TOP1: variants seen among roughly 807,000 people sequenced by gnomAD.
The protein encoded by TOP1 is DNA topoisomerase I.
Under a neutral mutation model 111.1 loss-of-function variants are expected in TOP1, and 10 were observed. The ratio of observed to expected loss-of-function variants is 0.09; its 90% CI spans 0.06 to 0.15. The LOEUF is 0.15. TOP1 is among the 10% of genes least tolerant of loss of function. The probability of loss-of-function intolerance (pLI) is 1.00; values close to 1 mark genes in which losing one functional copy is unlikely to be tolerated. For synonymous variants in TOP1, 271 were observed against 302.9 expected, an observed-to-expected ratio of 0.89 and a Z score of 1.10; for missense variants, 474 against 926.7, an observed-to-expected ratio of 0.51 and a Z score of 6.34.
rs1293708291 is a variant in TOP1, at chr20:41,121,048, C to G, written c.1951-648C>G. The stretch of plus-strand genomic sequence containing the variant: ...TGAGACACCGCGCCTGGTGACCGCT[C>G]TCCTTTTAAAAACAGAATGCCAAAG... On this transcript the variant is annotated intron_variant, in intron 18 of 20. Transcript: ENST00000361337. The surrounding 1 kb of genome is among the most constrained non-coding windows in gnomAD (Gnocchi z 4.2). Among the ~76,000 whole-genome samples, 1 of 152,174 alleles carries G rather than the reference C, an allele frequency of 6.6e-6. No homozygotes were observed. Among genetic ancestry groups the G allele is most frequent in the African/African-American group, 2.4e-5 (1 of 41,450 alleles).
intron 2 of TOP1, among the ~76,000 whole-genome samples, chr20:41,037,074 C>G (rs1004346538): frequency 5.9e-5 from 9 of 152,098 alleles, no homozygotes; most frequent in Non-Finnish European, 1.0e-4. Context: ...TCGTGATCCA[C>G]CAGCCTCGGC....
rs2033780042 is a variant in TOP1 at position 41,080,802 on chromosome 20, G to C, written c.432-363G>C. Among the ~76,000 whole-genome samples, 1 of 152,104 alleles carries C rather than the reference G, an allele frequency of 6.6e-6. No individual in the cohort carries two copies. Among genetic ancestry groups the C allele is most frequent in the Non-Finnish European group, 1.5e-5 (1 of 68,018 alleles). On this transcript the variant is annotated intron_variant, in intron 6 of 20. Coordinates refer to ENST00000361337, the MANE Select transcript of TOP1 (RefSeq NM_003286.4). The surrounding 1 kb of genome is among the most constrained non-coding windows in gnomAD (Gnocchi z 5.0). ...TCCAGTGAGTTACTGCTATGTGGTA[G>C]CTAGTGTGCTGTGTGTTTGGTTCCC...
chr20:41,036,900 G>C (rs920082828), intron 2 of TOP1, among the ~76,000 whole-genome samples: 5 of 139,610 alleles, frequency 3.6e-5, no homozygotes, highest in Non-Finnish European at 7.5e-5. Context: ...GCGCAATCTC[G>C]GCTCACTGCA....
chr20:41,040,788 A>G (rs968645450), intron 2 of TOP1, among the ~76,000 whole-genome samples: 3 of 136,596 alleles, frequency 2.2e-5, no homozygotes, highest in African/African-American at 6.0e-5. Flanking sequence ...CCTGGGAGAC[A>G]GCGAGGCATC....
intron 2 of TOP1, among the ~76,000 whole-genome samples, chr20:41,048,902 G>A (rs1358889408): frequency 6.6e-6 from 1 of 152,216 alleles, no homozygotes; most frequent in Non-Finnish European, 1.5e-5. Context: ...TGGGAAAGAA[G>A]GCTGTAAAAT....
intron 3 of TOP1, among the ~76,000 whole-genome samples, chr20:41,068,021 G>A (rs1423572687): frequency 2.0e-5 from 3 of 152,196 alleles, no homozygotes; most frequent in Non-Finnish European, 4.4e-5. Context: ...GTGAGACCAA[G>A]GATCCTGAGT....
intron 2 of TOP1, among the ~76,000 whole-genome samples, chr20:41,042,110 A>G (rs927438053): frequency 1.3e-5 from 2 of 152,158 alleles, no homozygotes; most frequent in Non-Finnish European, 2.9e-5. Flanking sequence ...GAGTTTTGCC[A>G]TGTTGGCCAC....
intron 3 of TOP1, among the ~76,000 whole-genome samples, chr20:41,066,555 T>C (rs964485070): frequency 7.1e-6 from 1 of 140,920 alleles, no homozygotes; most frequent in African/African-American, 2.7e-5. Flanking sequence ...CTCTTTTCTT[T>C]TCTTTTTTTT....
rs530373332 is a variant in TOP1, at chr20:41,085,201, ACAGT to A, written c.614+638_614+641del. Among the ~76,000 whole-genome samples the A allele has an allele frequency of 1.9e-4, 29 of 152,362 alleles. No individual in the cohort carries two copies. In the South Asian group the frequency reaches 2.3e-3, roughly 12 times the overall value. ...GAATGATCTAATCAGAATGTGAGGA[ACAGT>A]CAGTTTAGTAAAATAGTTAATAAGC... On this transcript the variant is annotated intron_variant, in intron 8 of 20. Coordinates refer to ENST00000361337, the MANE Select transcript of TOP1 (RefSeq NM_003286.4).
chr20:41,038,629 C>G (rs2033219537), intron 2 of TOP1, among the ~76,000 whole-genome samples: 1 of 152,098 alleles, frequency 6.6e-6, no homozygotes, highest in South Asian at 2.1e-4. Context: ...CTTCAGTTGT[C>G]CAGTGACAAG....
In TOP1 at chr20:41,115,078, ATAAG is replaced by A. The variant is rs1305799769; in HGVS notation, c.1639-286_1639-283del. ...TATAAATGTACTTTAGGACCATATT[ATAAG>A]TAAGTACTTATAAATGTACTTTAGG... is the stretch of plus-strand genomic sequence containing the variant. On this transcript the variant is annotated intron_variant, in intron 15 of 20. Coordinates refer to ENST00000361337, the MANE Select transcript of TOP1 (RefSeq NM_003286.4). The surrounding 1 kb of genome is among the most constrained non-coding windows in gnomAD (Gnocchi z 6.3). Among the ~76,000 whole-genome samples the A allele has an allele frequency of 7.2e-5, 11 of 152,244 alleles. No homozygotes were observed. Among genetic ancestry groups the A allele is most frequent in the Admixed American group, 7.2e-4 (11 of 15,290 alleles).
At position 41,028,994 on chromosome 20, in the gene TOP1, G is replaced by T. The variant is rs2033077514; in HGVS notation, c.-74G>T. ...GAGCCTCCGGAGTCCCCGTCCGCCCGCACAGGCCGGTTCGCCGTCTGCGTC... is the reference window on the plus strand; with the variant it reads ...GAGCCTCCGGAGTCCCCGTCCGCCCTCACAGGCCGGTTCGCCGTCTGCGTC... On this transcript the variant is annotated 5_prime_UTR_variant, in exon 1 of 21. Coordinates refer to ENST00000361337, the MANE Select transcript of TOP1 (RefSeq NM_003286.4). The T allele has an allele frequency of 2.2e-6, 3 of 1,367,932 alleles. No individual in the cohort carries two copies. The highest frequency in any genetic ancestry group is 1.2e-5 in the South Asian group (1 of 80,258). 84.7% of individuals were successfully genotyped at this position (1,367,932 alleles called of 1,614,324 possible). A position where few individuals can be genotyped will look rare whatever the true frequency, so the allele number is the denominator to read the frequency against.
chr20:41,109,322 T>A lies in TOP1; in HGVS notation c.1309-3460T>A, dbSNP rs1169877013. Among the ~76,000 whole-genome samples the A allele has an allele frequency of 3.9e-5, 6 of 152,188 alleles. No individual in the cohort carries two copies. ...TATAAAATTCAAAACGTTTTAAATC[T>A]ATTTATTAGTAAGACTAACATAGAC... On this transcript the variant is annotated intron_variant, in intron 13 of 20. Coordinates refer to ENST00000361337, the MANE Select transcript of TOP1 (RefSeq NM_003286.4). This position sits in a 1 kb window ranked among gnomAD's most constrained non-coding sequence, Gnocchi z 4.1.
At chr20:41,088,656 T>C (rs2033877611) in intron 8 of TOP1, among the ~76,000 whole-genome samples, 1 of 152,076 alleles carries the variant, frequency 6.6e-6, no homozygotes, top group Non-Finnish European at 1.5e-5. Context: ...TACACCTACA[T>C]ATATATATAT....
At chr20:41,038,952 G>A (rs1219229170) in intron 2 of TOP1, among the ~76,000 whole-genome samples, 2 of 150,970 alleles carry the variant, frequency 1.3e-5, no homozygotes, top group Non-Finnish European at 2.9e-5. Flanking sequence ...GCATGCCACT[G>A]TACCTACCCC....
chr20:41,098,139 A>G lies in TOP1; in HGVS notation c.853-76A>G. The G allele has an allele frequency of 1.3e-6, 2 of 1,491,440 alleles. No individual in the cohort carries two copies. Among genetic ancestry groups the G allele is most frequent in the African/African-American group, 1.4e-5 (1 of 72,230 alleles). 92.4% of individuals were successfully genotyped at this position (1,491,440 alleles called of 1,614,324 possible). A position where few individuals can be genotyped will look rare whatever the true frequency, so the allele number is the denominator to read the frequency against. On this transcript the variant is annotated intron_variant, in intron 10 of 20. Coordinates refer to ENST00000361337, the MANE Select transcript of TOP1 (RefSeq NM_003286.4). The surrounding 1 kb of genome is among the most constrained non-coding windows in gnomAD (Gnocchi z 5.7). ...GACTGAAAAAATGGTGCTTGGGTGT[A>G]TTTGCAAAGAAACCCAAGGACTTAT...
chr20:41,083,798 T>C lies in TOP1; in HGVS notation c.508-664T>C, dbSNP rs907146551. On this transcript the variant is annotated intron_variant, in intron 7 of 20. Coordinates refer to ENST00000361337, the MANE Select transcript of TOP1 (RefSeq NM_003286.4). The surrounding 1 kb of genome is among the most constrained non-coding windows in gnomAD (Gnocchi z 7.2). ...TTTGTTTGGGTTTTGTGTGTATGTT[T>C]TGAGATTCATCTCCTGTATTGGTGA... Among the ~76,000 whole-genome samples, 3 of 152,204 alleles carry C rather than the reference T, an allele frequency of 2.0e-5. No homozygotes were observed. Among genetic ancestry groups the C allele is most frequent in the Non-Finnish European group, 4.4e-5 (3 of 68,028 alleles).
At chr20:41,063,488 T>C (rs999042297) in intron 3 of TOP1, among the ~76,000 whole-genome samples, 1 of 152,196 alleles carries the variant, frequency 6.6e-6, no homozygotes, top group African/African-American at 2.4e-5. Context: ...AAGGTAGTTG[T>C]TTTTTTAAGT....
chr20:41,071,145 A>G lies in TOP1; in HGVS notation c.156-5026A>G, dbSNP rs1349671298. ...AGCGGTGGTCTTTTTTCCTAAAGAA[A>G]CAGTGCTTCGCCAGAAGGGAGACAT... is the stretch of plus-strand genomic sequence containing the variant. On this transcript the variant is annotated intron_variant, in intron 3 of 20. Transcript: ENST00000361337. This position sits in a 1 kb window ranked among gnomAD's most constrained non-coding sequence, Gnocchi z 4.3. Among the ~76,000 whole-genome samples the G allele has an allele frequency of 2.0e-5, 3 of 152,088 alleles. No individual in the cohort carries two copies. Among genetic ancestry groups the G allele is most frequent in the Admixed American group, 6.6e-5 (1 of 15,266 alleles).
Sources: allele counts gnomAD v4.1 joint callset (sites outside exome capture counted in the v4.1 genomes callset), GRCh38; gene constraint gnomAD v4.1.1; non-coding constraint Gnocchi (gnomAD v3.1); transcripts MANE v1.5; gene names NCBI Gene and HGNC (gene_info 2026-07-23, HGNC 2026-07-21).